CSMD1: variants seen among roughly 807,000 people sequenced by gnomAD.
CSMD1 encodes the protein CUB and sushi domain-containing protein 1.
Under a neutral mutation model 417.5 loss-of-function variants are expected in CSMD1, and 213 were observed. The observed-to-expected ratio is 0.51, with a 90% CI of 0.46 to 0.57. The LOEUF is 0.57. Among genes scored for constraint, CSMD1 ranks in the 20% least tolerant of loss-of-function variants. The probability of loss-of-function intolerance (pLI) is 0.00; values close to 1 mark genes in which losing one functional copy is unlikely to be tolerated. For synonymous variants in CSMD1, 2,862 were observed against 1,736.8 expected (o/e 1.65, Z -16.11); for missense variants, 6,923 against 4,529.7 (o/e 1.53, Z -15.17).
intron 23 of CSMD1, among the ~76,000 whole-genome samples, chr8:3,325,545 T>A (rs1320212967): frequency 6.6e-6 from 1 of 152,194 alleles, no homozygotes; most frequent in Non-Finnish European, 1.5e-5. Context: ...CAAGGTCGCC[T>A]GGGCATGCTG....
intron 26 of CSMD1, among the ~76,000 whole-genome samples, chr8:3,273,105 C>T (rs1028455952): frequency 6.6e-6 from 1 of 151,990 alleles, no homozygotes; most frequent in Non-Finnish European, 1.5e-5. Context: ...AGATACGTCC[C>T]ATCAATACCT....
At chr8:3,956,969 G>T (rs765529699) in intron 5 of CSMD1, among the ~76,000 whole-genome samples, 1 of 151,752 alleles carries the variant, frequency 6.6e-6, no homozygotes, top group African/African-American at 2.4e-5. Context: ...GGAAAGGTTG[G>T]ACCTGTTTTT....
At chr8:3,882,359 G>A (rs1210713261) in intron 5 of CSMD1, among the ~76,000 whole-genome samples, 2 of 152,212 alleles carry the variant, frequency 1.3e-5, no homozygotes, top group African/African-American at 2.4e-5. Context: ...ACAGAATACT[G>A]CATCCCCACT....
intron 38 of CSMD1, among the ~76,000 whole-genome samples, chr8:3,160,998 T>C (rs1819856815): frequency 6.6e-6 from 1 of 152,214 alleles, no homozygotes; most frequent in Non-Finnish European, 1.5e-5. Context: ...TATAAGAACA[T>C]AGCTAAACAA....
chr8:3,128,243 CCCCTAATGTCTATTTT>C (rs1331362925), intron 41 of CSMD1: 1 of 152,048 alleles, frequency 6.6e-6, no homozygotes, highest in African/African-American at 2.4e-5. Context: ...TGCAGTAATC[CCCCTAATGTCTATTTT>C]CCCGCTAATA....
chr8:3,183,772 C>A (rs1821577402), intron 36 of CSMD1, among the ~76,000 whole-genome samples: 1 of 152,250 alleles, frequency 6.6e-6, no homozygotes, highest in Non-Finnish European at 1.5e-5. Flanking sequence ...TGACCCCAGA[C>A]TGCCCTCCAA....
At chr8:4,373,596 G>A (rs1283183940) in intron 3 of CSMD1, among the ~76,000 whole-genome samples, 1 of 152,050 alleles carries the variant, frequency 6.6e-6, no homozygotes, top group East Asian at 1.9e-4. Flanking sequence ...ATTTTCCTAT[G>A]TGCGATGGTG....
chr8:3,706,017 G>T (rs1224853056), intron 7 of CSMD1, among the ~76,000 whole-genome samples: 3 of 152,232 alleles, frequency 2.0e-5, no homozygotes, highest in Non-Finnish European at 4.4e-5. Context: ...GATTCATGAG[G>T]TGCTGAAGAG....
intron 3 of CSMD1, among the ~76,000 whole-genome samples, chr8:4,227,456 G>C (rs938439195): frequency 4.6e-5 from 7 of 152,060 alleles, no homozygotes; most frequent in South Asian, 4.1e-4. Context: ...ATGACATTCA[G>C]AACAAGAAAA....
At chr8:4,074,078 A>G (rs1799698825) in intron 3 of CSMD1, among the ~76,000 whole-genome samples, 1 of 152,098 alleles carries the variant, frequency 6.6e-6, no homozygotes, top group Non-Finnish European at 1.5e-5. Context: ...TGGAATAGAC[A>G]AATTTTGTAA....
chr8:4,463,802 C>T (rs1563203186), intron 2 of CSMD1, among the ~76,000 whole-genome samples: 1 of 152,064 alleles, frequency 6.6e-6, no homozygotes, highest in African/African-American at 2.4e-5. Context: ...CATTAAACAT[C>T]TTCCAAAAAT....
chr8:4,143,665 G>A (rs13252905), intron 3 of CSMD1, among the ~76,000 whole-genome samples: 45,197 of 150,704 alleles, frequency 0.3, 8,421 homozygotes, highest in Non-Finnish European at 0.39. Flanking sequence ...GAGTTCTCCA[G>A]GTTCTTGGCA....
intron 10 of CSMD1, 112 bp from the exon 11 acceptor site, chr8:3,493,838 G>T (rs924376899): frequency 1.4e-6 from 1 of 739,338 alleles, no homozygotes; most frequent in Non-Finnish European, 2.3e-6. Context: ...TAATGCCAAT[G>T]TCAAATGATC....
At chr8:3,808,231 A>T (rs781236175) in intron 5 of CSMD1, among the ~76,000 whole-genome samples, 18 of 152,228 alleles carry the variant, frequency 1.2e-4, no homozygotes, top group Admixed American at 6.5e-5. Flanking sequence ...TAAGAGATAT[A>T]CTACAAAATT....
chr8:4,462,372 A>G (rs1454984855), intron 2 of CSMD1, among the ~76,000 whole-genome samples: 1 of 152,186 alleles, frequency 6.6e-6, no homozygotes, highest in Admixed American at 6.5e-5. Context: ...AAAATATTTC[A>G]TGTACATGAA....
At chr8:3,823,349 T>A (rs10086283) in intron 5 of CSMD1, among the ~76,000 whole-genome samples, 19,241 of 152,168 alleles carry the variant, frequency 0.13, 1,262 homozygotes, top group African/African-American at 0.15. Context: ...GTACTCTCAT[T>A]TTTAATCCCG....
At chr8:4,887,705 T>C (rs1216418668) in intron 1 of CSMD1, among the ~76,000 whole-genome samples, 2 of 152,046 alleles carry the variant, frequency 1.3e-5, no homozygotes. Context: ...TTTATTTGCT[T>C]TGTTGGTAGG....
At chr8:4,284,030 C>T (rs567721108) in intron 3 of CSMD1, among the ~76,000 whole-genome samples, 6 of 152,130 alleles carry the variant, frequency 3.9e-5, no homozygotes, top group African/African-American at 9.6e-5. Context: ...GTCAGGAATT[C>T]GAAACCAGGC....
chr8:3,802,872 G>C (rs767197339), intron 5 of CSMD1, among the ~76,000 whole-genome samples: 1 of 152,122 alleles, frequency 6.6e-6, no homozygotes, highest in South Asian at 2.1e-4. Flanking sequence ...AGATGATGTG[G>C]TCTTTAAAAA....
Sources: allele counts gnomAD v4.1 joint callset (sites outside exome capture counted in the v4.1 genomes callset), GRCh38; gene constraint gnomAD v4.1.1; transcripts MANE v1.5; gene names NCBI Gene and HGNC (gene_info 2026-07-23, HGNC 2026-07-21).